The following CADPS2 variants were observed in gnomAD, a reference collection of about 807,000 sequenced individuals.
The protein encoded by CADPS2 is calcium dependent secretion activator 2, also known as calcium-dependent secretion activator 2.
Under a neutral mutation model 172.5 loss-of-function variants are expected in CADPS2, and 93 were observed. The ratio of observed to expected loss-of-function variants is 0.54; its 90% CI spans 0.46 to 0.64. The LOEUF is 0.64. CADPS2 is among the 30% of genes least tolerant of loss of function. The pLI is 0.00. For synonymous variants in CADPS2, 546 were observed against 555.2 expected (o/e 0.98, Z 0.23); for missense variants, 1,420 against 1,565.9 (o/e 0.91, Z 1.57).
intron 3 of CADPS2, among the ~76,000 whole-genome samples, chr7:122,657,482 C>T (rs887626020): frequency 7.2e-5 from 11 of 152,106 alleles, no homozygotes; most frequent in Admixed American, 2.0e-4. Flanking sequence ...CTTTTTATTT[C>T]GTTGAGCAGT....
intron 6 of CADPS2, among the ~76,000 whole-genome samples, chr7:122,606,822 A>G (rs1392846271): frequency 1.3e-5 from 2 of 152,116 alleles, no homozygotes; most frequent in African/African-American, 4.8e-5. Flanking sequence ...TAAGGAAATG[A>G]AATTTAAGCA....
chr7:122,665,265 C>A (rs2081067890), intron 2 of CADPS2, among the ~76,000 whole-genome samples: 2 of 152,168 alleles, frequency 1.3e-5, no homozygotes, highest in East Asian at 3.9e-4. Context: ...CATGCTCAAC[C>A]ACCTGACCCC....
chr7:122,771,884 C>T (rs1485184368), intron 1 of CADPS2, among the ~76,000 whole-genome samples: 22 of 152,148 alleles, frequency 1.4e-4, no homozygotes, highest in Admixed American at 1.4e-3. Flanking sequence ...GGTAAGGTGA[C>T]ACCATCATTT....
intron 1 of CADPS2, among the ~76,000 whole-genome samples, chr7:122,882,377 A>G (rs1823142868): frequency 6.6e-6 from 1 of 152,096 alleles, no homozygotes. Context: ...CTATTTTAAT[A>G]CCCTCTTATT....
At chr7:122,389,387 A>C (rs1362905723) in intron 22 of CADPS2, among the ~76,000 whole-genome samples, 1 of 151,980 alleles carries the variant, frequency 6.6e-6, no homozygotes, top group Non-Finnish European at 1.5e-5. Flanking sequence ...ATGGAGAAAA[A>C]CAATGCGTTT....
chr7:122,416,655 C>T (rs2047955157), intron 17 of CADPS2, among the ~76,000 whole-genome samples: 1 of 152,170 alleles, frequency 6.6e-6, no homozygotes, highest in Non-Finnish European at 1.5e-5. Context: ...TCACCTAAAA[C>T]AACTCTGACA....
At chr7:122,648,112 T>C (rs1211025488) in intron 3 of CADPS2, among the ~76,000 whole-genome samples, 2 of 152,130 alleles carry the variant, frequency 1.3e-5, no homozygotes, top group African/African-American at 2.4e-5. Flanking sequence ...GCAGGTGGCA[T>C]AGAGATTAGC....
At chr7:122,467,661 G>A (rs780818438) in intron 14 of CADPS2, among the ~76,000 whole-genome samples, 1 of 152,096 alleles carries the variant, frequency 6.6e-6, no homozygotes, top group Non-Finnish European at 1.5e-5. Flanking sequence ...AACTGTAGAG[G>A]AGTCAGTGAA....
chr7:122,565,191 T>C (rs2066293431), intron 7 of CADPS2, among the ~76,000 whole-genome samples: 1 of 151,350 alleles, frequency 6.6e-6, no homozygotes, highest in African/African-American at 2.4e-5. Flanking sequence ...AGTATAACCA[T>C]GTAACACGAC....
intron 8 of CADPS2, among the ~76,000 whole-genome samples, chr7:122,516,395 G>A (rs2060378536): frequency 1.3e-5 from 2 of 151,986 alleles, no homozygotes; most frequent in Non-Finnish European, 2.9e-5. Context: ...AAAATTAGCT[G>A]GATGCAGTGG....
At chr7:122,574,024 AT>A (rs373046038) in intron 7 of CADPS2, among the ~76,000 whole-genome samples, 29 of 152,220 alleles carry the variant, frequency 1.9e-4, no homozygotes, top group African/African-American at 6.5e-4. Flanking sequence ...GGCAAAAAAA[AT>A]GTTTATCTTT....
chr7:122,516,158 C>G (rs918942738), intron 8 of CADPS2, among the ~76,000 whole-genome samples: 1 of 152,060 alleles, frequency 6.6e-6, no homozygotes, highest in Non-Finnish European at 1.5e-5. Flanking sequence ...ATGATGATTT[C>G]TGGGATTAGG....
chr7:122,649,788 ATC>A (rs1187083223), intron 3 of CADPS2, among the ~76,000 whole-genome samples: 1 of 151,814 alleles, frequency 6.6e-6, no homozygotes, highest in Admixed American at 6.6e-5. Flanking sequence ...AATTTTATAC[ATC>A]TGTCTACTGA....
At chr7:122,588,744 G>A (rs944304074) in intron 6 of CADPS2, among the ~76,000 whole-genome samples, 1 of 151,826 alleles carries the variant, frequency 6.6e-6, no homozygotes, top group Non-Finnish European at 1.5e-5. Context: ...GAGATTTGCT[G>A]AAGAAACTGA....
intron 15 of CADPS2, among the ~76,000 whole-genome samples, chr7:122,444,876 G>A (rs575826028): frequency 2.0e-3 from 306 of 152,260 alleles, no homozygotes; most frequent in Non-Finnish European, 3.2e-3. Context: ...CTAACCCAAA[G>A]ACACAGATTT....
chr7:122,340,650 G>T (rs1449273909), intron 28 of CADPS2, among the ~76,000 whole-genome samples: 2 of 152,144 alleles, frequency 1.3e-5, no homozygotes, highest in East Asian at 3.9e-4. Context: ...CTGACACATG[G>T]ACACCTGTGG....
intron 1 of CADPS2, among the ~76,000 whole-genome samples, chr7:122,804,773 A>G (rs1172908450): frequency 6.6e-6 from 1 of 152,154 alleles, no homozygotes; most frequent in Non-Finnish European, 1.5e-5. Flanking sequence ...AAGATTTCCT[A>G]TGTCTTGCCT....
intron 2 of CADPS2, among the ~76,000 whole-genome samples, chr7:122,718,521 T>C (rs547444485): frequency 2.0e-5 from 3 of 152,216 alleles, no homozygotes; most frequent in African/African-American, 4.8e-5. Flanking sequence ...CATGGCCTTC[T>C]AAACAGGGAA....
chr7:122,798,623 C>A (rs1033286356), intron 1 of CADPS2, among the ~76,000 whole-genome samples: 2 of 152,116 alleles, frequency 1.3e-5, no homozygotes, highest in Non-Finnish European at 2.9e-5. Flanking sequence ...GGGCCCCTTA[C>A]TGAAATTGCT....
Sources: allele counts gnomAD v4.1 joint callset (sites outside exome capture counted in the v4.1 genomes callset), GRCh38; gene constraint gnomAD v4.1.1; transcripts MANE v1.5; gene names NCBI Gene and HGNC (gene_info 2026-07-23, HGNC 2026-07-21).